Variants in ADAMTS19 observed in about 807,000 individuals in gnomAD.
ADAMTS19 encodes the protein ADAM metallopeptidase with thrombospondin type 1 motif 19, also known as A disintegrin and metalloproteinase with thrombospondin motifs 19.
In ADAMTS19, 93 loss-of-function variants were observed where a neutral mutation model predicts 153.3. The ratio of observed to expected loss-of-function variants is 0.61; its 90% confidence interval spans 0.51 to 0.72. The LOEUF (loss-of-function observed/expected upper bound fraction) is 0.72, where lower values mean the gene tolerates loss of function less well. Ranked by LOEUF, ADAMTS19 falls within the 30% of genes least tolerant of loss-of-function variation. The probability of loss-of-function intolerance (pLI) is 0.00; values close to 1 mark genes in which losing one functional copy is unlikely to be tolerated. For missense variants in ADAMTS19, 1,482 were observed against 1,552.1 expected (o/e 0.95, Z 0.76); for synonymous variants, 600 against 556.6 (o/e 1.08, Z -1.10).
intron 2 of ADAMTS19, among the ~76,000 whole-genome samples, chr5:129,491,019 T>C (rs6888129): frequency 0.39 from 59,398 of 151,908 alleles, 14,000 homozygotes; most frequent in African/African-American, 0.66. Context: ...TTTTCTGAGA[T>C]GGAGTCTCGC....
At chr5:129,660,424 A>G (rs576376186) in intron 15 of ADAMTS19, among the ~76,000 whole-genome samples, 2 of 152,210 alleles carry the variant, frequency 1.3e-5, no homozygotes, top group South Asian at 2.1e-4. Flanking sequence ...TGGAAGACTA[A>G]AGAAATTTAA....
At chr5:129,724,364 C>G (rs983706076) in intron 21 of ADAMTS19, among the ~76,000 whole-genome samples, 3 of 152,136 alleles carry the variant, frequency 2.0e-5, no homozygotes, top group African/African-American at 7.2e-5. Context: ...TGCTGGTCAG[C>G]TATGCCTGAA....
At chr5:129,468,724 A>T (rs2126646255) in intron 2 of ADAMTS19, among the ~76,000 whole-genome samples, 2 of 152,092 alleles carry the variant, frequency 1.3e-5, no homozygotes, top group South Asian at 4.2e-4. Context: ...GTGTCTTTAT[A>T]TTTTTTATTC....
At chr5:129,521,639 C>T (rs191290009) in intron 3 of ADAMTS19, among the ~76,000 whole-genome samples, 1 of 152,258 alleles carries the variant, frequency 6.6e-6, no homozygotes, top group East Asian at 1.9e-4. Flanking sequence ...GCTCTCTATA[C>T]TTCGTCTAGC....
At chr5:129,568,319 G>A (rs750596354) in intron 7 of ADAMTS19, among the ~76,000 whole-genome samples, 2 of 151,866 alleles carry the variant, frequency 1.3e-5, no homozygotes, top group African/African-American at 2.4e-5. Context: ...TGGAGTCCAT[G>A]ATGTATAGTA....
intron 17 of ADAMTS19, 70 bp downstream of exon 17, chr5:129,679,991 C>A (rs568456976): frequency 2.2e-6 from 3 of 1,380,940 alleles, no homozygotes; most frequent in South Asian, 1.6e-5. Context: ...CAGTGCACTT[C>A]CTCTAATATT....
chr5:129,715,760 T>A (rs556056474), intron 21 of ADAMTS19, among the ~76,000 whole-genome samples: 5 of 152,182 alleles, frequency 3.3e-5, no homozygotes, highest in African/African-American at 4.8e-5. Context: ...TATTTTGGAC[T>A]ATGTTTCAAT....
At chr5:129,491,807 A>G (rs1288533514) in intron 2 of ADAMTS19, among the ~76,000 whole-genome samples, 1 of 152,208 alleles carries the variant, frequency 6.6e-6, no homozygotes, top group Non-Finnish European at 1.5e-5. Flanking sequence ...CTGAGGTTCA[A>G]TAAAAAGCAA....
At chr5:129,486,087 G>A (rs542207913) in intron 2 of ADAMTS19, among the ~76,000 whole-genome samples, 2 of 152,140 alleles carry the variant, frequency 1.3e-5, no homozygotes, top group South Asian at 4.1e-4. Context: ...CACCGCGCCT[G>A]GCCTATAATT....
intron 2 of ADAMTS19, among the ~76,000 whole-genome samples, chr5:129,505,880 A>G (rs946706856): frequency 1.3e-5 from 2 of 152,296 alleles, no homozygotes; most frequent in South Asian, 4.1e-4. Flanking sequence ...TGAAAAATTT[A>G]AAAAGGAAAA....
intron 21 of ADAMTS19, among the ~76,000 whole-genome samples, chr5:129,717,817 A>T (rs1012294989): frequency 8.5e-5 from 13 of 152,198 alleles, no homozygotes; most frequent in African/African-American, 3.1e-4. Flanking sequence ...TTAAATCAAG[A>T]CTTTACTTAT....
At chr5:129,550,022 G>GTA (rs1244159748) in intron 6 of ADAMTS19, among the ~76,000 whole-genome samples, 1 of 118,986 alleles carries the variant, frequency 8.4e-6, no homozygotes, top group African/African-American at 3.1e-5. Flanking sequence ...ACATGTATAT[G>GTA]TATATCTAGA....
At chr5:129,525,550 T>C (rs772705007) in intron 3 of ADAMTS19, among the ~76,000 whole-genome samples, 8 of 152,060 alleles carry the variant, frequency 5.3e-5, no homozygotes, top group Non-Finnish European at 1.2e-4. Context: ...ATTGCAACTA[T>C]CTTCTGTCAC....
At chr5:129,550,626 G>C (rs187066688) in intron 6 of ADAMTS19, among the ~76,000 whole-genome samples, 60 of 151,202 alleles carry the variant, frequency 4.0e-4, no homozygotes, top group African/African-American at 1.4e-3. Flanking sequence ...GATGAGCCAA[G>C]CAAGATGTGA....
At chr5:129,631,986 T>C (rs992719015) in intron 10 of ADAMTS19, among the ~76,000 whole-genome samples, 3 of 152,094 alleles carry the variant, frequency 2.0e-5, no homozygotes, top group African/African-American at 7.2e-5. Context: ...TTTTTAGCTA[T>C]AATCCTTTAC....
intron 7 of ADAMTS19, among the ~76,000 whole-genome samples, chr5:129,552,808 A>G (rs1029064457): frequency 8.5e-5 from 13 of 152,092 alleles, no homozygotes; most frequent in Non-Finnish European, 4.4e-5. Flanking sequence ...CAACCTCCTC[A>G]TATGTTTAAA....
intron 8 of ADAMTS19, among the ~76,000 whole-genome samples, chr5:129,605,675 T>C (rs1002828000): frequency 2.0e-5 from 3 of 152,214 alleles, no homozygotes; most frequent in Non-Finnish European, 4.4e-5. Flanking sequence ...CTTAGTTCAC[T>C]GTCATATTCC....
intron 3 of ADAMTS19, among the ~76,000 whole-genome samples, chr5:129,510,017 T>TTA (rs1751387754): frequency 6.6e-6 from 1 of 151,954 alleles, no homozygotes; most frequent in South Asian, 2.1e-4. Context: ...GGAAAAATTT[T>TTA]TAGACATGGA....
chr5:129,699,154 G>A (rs1755706833), intron 19 of ADAMTS19, among the ~76,000 whole-genome samples: 1 of 152,142 alleles, frequency 6.6e-6, no homozygotes, highest in African/African-American at 2.4e-5. Flanking sequence ...AGGCACAATG[G>A]CTCATGCCTG....
Sources: gnomAD v4.1 joint callset for allele counts (sites outside exome capture counted in the v4.1 genomes callset) on GRCh38, gnomAD v4.1.1 for gene constraint, MANE v1.5 for transcripts, NCBI Gene and HGNC (gene_info 2026-07-23, HGNC 2026-07-21) for gene names.